The following RBMS3 variants were observed in gnomAD, a reference collection of about 807,000 sequenced individuals.
RBMS3 encodes the protein RNA binding motif single stranded interacting protein 3.
RBMS3 carries 27 observed loss-of-function variants against 66.8 expected under a neutral mutation model. The observed-to-expected ratio is 0.40, with a 90% CI of 0.30 to 0.56. RBMS3 has a LOEUF of 0.56. Ranked by LOEUF, RBMS3 falls within the 20% of genes least tolerant of loss-of-function variation. The pLI, the probability that RBMS3 is intolerant of heterozygous loss-of-function variation, is 0.40. For synonymous variants in RBMS3, 188 were observed against 183.0 expected, an observed-to-expected ratio of 1.03 and a Z score of -0.22; for missense variants, 513 against 549.5, an observed-to-expected ratio of 0.93 and a Z score of 0.66.
intron 3 of RBMS3, among the ~76,000 whole-genome samples, chr3:29,500,660 G>C (rs76129744): frequency 6.6e-6 from 1 of 151,882 alleles, no homozygotes; most frequent in Non-Finnish European, 1.5e-5. Flanking sequence ...TGTAGCCTAG[G>C]AGTAATATGC....
At chr3:29,981,004 C>A (rs946597530) in intron 12 of RBMS3, among the ~76,000 whole-genome samples, 8 of 152,156 alleles carry the variant, frequency 5.3e-5, no homozygotes, top group African/African-American at 1.9e-4. Flanking sequence ...AGCATTGAAT[C>A]TATAAATTAC....
At chr3:29,892,504 C>T (rs1190328817) in intron 8 of RBMS3, among the ~76,000 whole-genome samples, 1 of 151,458 alleles carries the variant, frequency 6.6e-6, no homozygotes, top group Admixed American at 6.6e-5. Flanking sequence ...TGTCTCCAGA[C>T]ATTGCCAAAT....
At chr3:29,788,155 T>C (rs2056884713) in intron 6 of RBMS3, among the ~76,000 whole-genome samples, 1 of 151,452 alleles carries the variant, frequency 6.6e-6, no homozygotes, top group South Asian at 2.1e-4. Flanking sequence ...CCCACCCTTC[T>C]CTAAATCTTG....
intron 6 of RBMS3, among the ~76,000 whole-genome samples, chr3:29,861,300 T>G (rs993072062): frequency 1.2e-4 from 18 of 152,308 alleles, no homozygotes; most frequent in African/African-American, 4.3e-4. Context: ...TGTCGTTAGC[T>G]TTTCTTCTCC....
intron 4 of RBMS3, among the ~76,000 whole-genome samples, chr3:29,623,673 T>A (rs1371519758): frequency 1.3e-5 from 2 of 152,044 alleles, no homozygotes; most frequent in East Asian, 3.9e-4. Flanking sequence ...CACAAACAAT[T>A]CATTTTTAAA....
Position 29,866,077 on chromosome 3 carries a change from T to TAAA in RBMS3, c.638-2761_638-2759dup, listed in dbSNP as rs35591949. 6.8e-4 allele frequency among the ~76,000 whole-genome samples: 72 copies of TAAA among 105,558 alleles called. 2 individuals carry two copies. The highest frequency in any genetic ancestry group is 5.1e-3 in the South Asian group (14 of 2,732). 69.3% of individuals were successfully genotyped at this position (105,558 alleles called of 152,430 possible). On this transcript the variant is annotated intron_variant, in intron 6 of 14. Coordinates refer to ENST00000383767, the MANE Select transcript of RBMS3 (RefSeq NM_001003793.3). ...TTAGTCTATTATTAACACCAAATAC[T>TAAA]AAAAAAAAAAAAAAAAAAAAAATTC...
At chr3:29,906,037 A>G (rs541354766) in intron 10 of RBMS3, among the ~76,000 whole-genome samples, 49 of 152,272 alleles carry the variant, frequency 3.2e-4, no homozygotes, top group African/African-American at 1.1e-3. Context: ...AGAATATGAC[A>G]TATTTACAAC....
intron 4 of RBMS3, among the ~76,000 whole-genome samples, chr3:29,601,837 C>T (rs1378701479): frequency 6.6e-6 from 1 of 151,860 alleles, no homozygotes; most frequent in Non-Finnish European, 1.5e-5. Flanking sequence ...TTGAAGTCAC[C>T]AAGATAAAAC....
At chr3:29,861,002 T>A (rs998841508) in intron 6 of RBMS3, among the ~76,000 whole-genome samples, 3 of 152,220 alleles carry the variant, frequency 2.0e-5, no homozygotes, top group Non-Finnish European at 4.4e-5. Context: ...TAGCTGCAAC[T>A]ACAGGCGCCC....
Position 29,328,818 on chromosome 3 carries a change from A to G in RBMS3, c.75+47062A>G, listed in dbSNP as rs1360743543. Among the ~76,000 whole-genome samples the G allele has an allele frequency of 2.0e-5, 3 of 152,190 alleles. No individual in the cohort carries two copies. The East Asian group carries it at 5.8e-4, about 29-fold the overall frequency. On this transcript the variant is annotated intron_variant, in intron 1 of 14. Transcript: ENST00000383767. ...TTATTTTTATTAGTCTTCCTTCCCTATTAATCCAAAAGCCCTATAAAGCTG... is the reference window on the plus strand; with the variant it reads ...TTATTTTTATTAGTCTTCCTTCCCTGTTAATCCAAAAGCCCTATAAAGCTG...
At chr3:29,604,294 T>A (rs2048247826) in intron 4 of RBMS3, among the ~76,000 whole-genome samples, 1 of 152,026 alleles carries the variant, frequency 6.6e-6, no homozygotes, top group African/African-American at 2.4e-5. Flanking sequence ...ATATGATTAC[T>A]TATTGGAAAC....
In RBMS3 at chr3:29,979,208, G is replaced by C. The variant is rs999703107; in HGVS notation, c.1099-8935G>C. ...AATGACAAAACTGGAGTTTATCCTCGTTATATAAGAACCTATATTTCTCCA... is the reference window on the plus strand; with the variant it reads ...AATGACAAAACTGGAGTTTATCCTCCTTATATAAGAACCTATATTTCTCCA... On this transcript the variant is annotated intron_variant, in intron 12 of 14. Coordinates refer to ENST00000383767, the MANE Select transcript of RBMS3 (RefSeq NM_001003793.3). 2.6e-5 allele frequency among the ~76,000 whole-genome samples: 4 copies of C among 152,030 alleles called. No homozygotes were observed. In the South Asian group the frequency reaches 6.2e-4, roughly 24 times the overall value.
intron 3 of RBMS3, among the ~76,000 whole-genome samples, chr3:29,583,371 C>A (rs1281198399): frequency 1.3e-5 from 2 of 152,306 alleles, no homozygotes; most frequent in South Asian, 2.1e-4. Context: ...GAAACAGAAC[C>A]ATGACCACTT....
chr3:29,533,776 CTAAA>C (rs1169422154), intron 3 of RBMS3, among the ~76,000 whole-genome samples: 1 of 150,836 alleles, frequency 6.6e-6, no homozygotes, highest in African/African-American at 2.5e-5. Flanking sequence ...GGCTCCGTCT[CTAAA>C]TAAATAAATA....
intron 13 of RBMS3, among the ~76,000 whole-genome samples, chr3:29,989,428 C>G (rs1351476162): frequency 1.3e-5 from 2 of 152,142 alleles, no homozygotes; most frequent in African/African-American, 4.8e-5. Flanking sequence ...ACCGTGCATT[C>G]CTTCTCAGCA....
chr3:29,943,707 A>G (rs2084524), intron 11 of RBMS3, among the ~76,000 whole-genome samples: 136,726 of 151,842 alleles, frequency 0.9, 61,662 homozygotes, highest in East Asian at 0.99. Flanking sequence ...GATCAGAGCT[A>G]GAGCTGAGTA....
Position 29,333,035 on chromosome 3 carries a change from T to A in RBMS3, c.75+51279T>A, listed in dbSNP as rs1216386269. On this transcript the variant is annotated intron_variant, in intron 1 of 14. Transcript: ENST00000383767. ...TTCAGTAACAGAAAATATTGAAAAA[T>A]TTTAGAAACAGGAAAATCTAACCTT... Among the ~76,000 whole-genome samples the A allele has an allele frequency of 3.3e-5, 5 of 152,214 alleles. No individual in the cohort carries two copies. The East Asian group carries it at 9.7e-4, about 29-fold the overall frequency.
chr3:29,451,074 C>G (rs9872175), intron 2 of RBMS3, among the ~76,000 whole-genome samples: 44,807 of 152,050 alleles, frequency 0.29, 6,689 homozygotes, highest in East Asian at 0.36. Flanking sequence ...CAAGTGCCCA[C>G]TAACACTTTG....
At chr3:29,905,855 C>G (rs1577111067) in intron 10 of RBMS3, among the ~76,000 whole-genome samples, 1 of 152,108 alleles carries the variant, frequency 6.6e-6, no homozygotes, top group Admixed American at 6.6e-5. Context: ...CAGTGGGCCA[C>G]ATGTTGGGGA....
Sources: gnomAD v4.1 joint callset for allele counts (sites outside exome capture counted in the v4.1 genomes callset) on GRCh38, gnomAD v4.1.1 for gene constraint, MANE v1.5 for transcripts, NCBI Gene and HGNC (gene_info 2026-07-23, HGNC 2026-07-21) for gene names.